The following SPEF2 variants were observed in gnomAD, a reference collection of about 807,000 sequenced individuals.
SPEF2 encodes sperm flagella and cilia-associated protein 2.
A neutral mutation model predicts 224.6 loss-of-function variants in SPEF2; 187 were observed. The observed-to-expected ratio is 0.83, with a 90% CI of 0.74 to 0.94. The LOEUF is 0.94. SPEF2 is among the 40% of genes least tolerant of loss of function. The pLI is 0.00. For synonymous variants in SPEF2, 715 were observed against 707.3 expected (o/e 1.01, Z -0.17); for missense variants, 2,170 against 2,135.6 (o/e 1.02, Z -0.32).
Position 35,659,050 on chromosome 5 carries a change from G to A in SPEF2, c.1010G>A (p.Arg337Gln), listed in dbSNP as rs139795958. ...TATCGGGAGGAACAGCTGATTAACCGGCTGATGCGGCAGTCCCAGCAGGAG... is the reference window on the plus strand; with the variant it reads ...TATCGGGAGGAACAGCTGATTAACCAGCTGATGCGGCAGTCCCAGCAGGAG... ...EAYREEQLINRLMRQSQQERR... is the reference protein window; with the variant it reads ...EAYREEQLINQLMRQSQQERR... Residue 337 changes from arginine (R) to glutamine (Q), a missense_variant, in exon 8 of 37, where the codon CGG becomes CAG. Physicochemically the swap from Arg to Gln is conservative, Grantham distance 43 (BLOSUM62 1). Coordinates refer to ENST00000356031, the MANE Select transcript of SPEF2 (RefSeq NM_024867.4). 46 of 1,581,754 alleles carry A rather than the reference G, an allele frequency of 2.9e-5. No individual in the cohort carries two copies. In the African/African-American group the frequency reaches 5.3e-4, roughly 18 times the overall value.
At chr5:35,640,255 TAG>T (rs1199375555) in intron 2 of SPEF2, among the ~76,000 whole-genome samples, 1 of 152,150 alleles carries the variant, frequency 6.6e-6, no homozygotes, top group African/African-American at 2.4e-5. Flanking sequence ...CTAAAATCTG[TAG>T]CCCAAGGTTA....
chr5:35,689,228 CTA>C (rs1754083523), intron 10 of SPEF2, among the ~76,000 whole-genome samples: 1 of 152,052 alleles, frequency 6.6e-6, no homozygotes. Context: ...TTCATTTGCA[CTA>C]TCTTAGAATA....
intron 36 of SPEF2, among the ~76,000 whole-genome samples, chr5:35,813,007 G>A (rs948593074): frequency 7.2e-5 from 11 of 152,170 alleles, no homozygotes; most frequent in African/African-American, 2.7e-4. Context: ...ACTGAAAATT[G>A]TGGTCCCTGA....
chr5:35,727,176 C>A (rs4128902), intron 20 of SPEF2, among the ~76,000 whole-genome samples: 1 of 151,952 alleles, frequency 6.6e-6, no homozygotes, highest in Non-Finnish European at 1.5e-5. Flanking sequence ...GGGGCTTCAA[C>A]AGCCCCTCTT....
At chr5:35,806,266 G>C (rs1208224645) in intron 34 of SPEF2, among the ~76,000 whole-genome samples, 1 of 152,142 alleles carries the variant, frequency 6.6e-6, no homozygotes, top group Admixed American at 6.6e-5. Context: ...GTTTAGTTGG[G>C]ATATCCTCCA....
chr5:35,674,688 T>C (rs911104185), intron 10 of SPEF2, among the ~76,000 whole-genome samples: 24 of 152,088 alleles, frequency 1.6e-4, no homozygotes, highest in African/African-American at 5.5e-4. Context: ...ACTAATCTCA[T>C]CATGGGAGCC....
rs551899983 is a variant in SPEF2, at chr5:35,618,154, C to T, written c.58+99C>T. On this transcript the variant is annotated intron_variant, in intron 1 of 36. Coordinates refer to ENST00000356031, the MANE Select transcript of SPEF2 (RefSeq NM_024867.4). ...CTCAGGGAAGGTGGCGGGCAGGGCG[C>T]GAGCTGCACAGGTGGGGCACCTGCG... 3.0e-6 allele frequency: 4 copies of T among 1,337,500 alleles called. No homozygotes were observed. In the South Asian group the frequency reaches 5.0e-5, roughly 17 times the overall value. The allele number at this position is 1,337,500 out of a possible 1,614,324, so 82.9% of individuals were successfully genotyped here.
intron 20 of SPEF2, among the ~76,000 whole-genome samples, chr5:35,720,503 T>C (rs1351860094): frequency 2.0e-5 from 3 of 152,214 alleles, no homozygotes; most frequent in Non-Finnish European, 4.4e-5. Context: ...CTATAGCTCA[T>C]TATAAACTAT....
intron 16 of SPEF2, among the ~76,000 whole-genome samples, chr5:35,703,598 T>C (rs10472262): frequency 0.54 from 80,973 of 151,100 alleles, 22,122 homozygotes; most frequent in African/African-American, 0.56. Context: ...GCCTGGGGCT[T>C]GGGGGTTGGG....
chr5:35,668,492 G>C (rs1172935734), intron 9 of SPEF2, among the ~76,000 whole-genome samples: 2 of 152,102 alleles, frequency 1.3e-5, no homozygotes, highest in Non-Finnish European at 2.9e-5. Flanking sequence ...ATTGCCAGGG[G>C]CTAAGAATGG....
chr5:35,655,301 G>A (rs374813458), intron 7 of SPEF2, among the ~76,000 whole-genome samples: 24 of 152,282 alleles, frequency 1.6e-4, no homozygotes, highest in African/African-American at 2.9e-4. Context: ...TGATCCTGAC[G>A]CCACTGCAGC....
chr5:35,635,181 A>C (rs770963465), intron 2 of SPEF2, among the ~76,000 whole-genome samples: 5 of 151,518 alleles, frequency 3.3e-5, no homozygotes, highest in African/African-American at 4.9e-5. Flanking sequence ...CTCAGATCTG[A>C]GATTCTTTCC....
At chr5:35,660,039 T>C (rs1464375982) in intron 8 of SPEF2, among the ~76,000 whole-genome samples, 2 of 152,184 alleles carry the variant, frequency 1.3e-5, no homozygotes, top group Non-Finnish European at 2.9e-5. Flanking sequence ...CTAGCTGTGC[T>C]CTTTGCTACT....
At chr5:35,804,661 T>C (rs543474472) in intron 34 of SPEF2, among the ~76,000 whole-genome samples, 1 of 152,270 alleles carries the variant, frequency 6.6e-6, no homozygotes, top group African/African-American at 2.4e-5. Flanking sequence ...CACTAATAAG[T>C]TAAGGATTAT....
At chr5:35,661,818 G>A (rs1475875752) in intron 8 of SPEF2, among the ~76,000 whole-genome samples, 2 of 152,044 alleles carry the variant, frequency 1.3e-5, no homozygotes, top group South Asian at 2.1e-4. Context: ...TCTTTATCCA[G>A]TCTATCATTG....
In SPEF2 at chr5:35,753,561, T is replaced by C. The variant is rs1580593783; in HGVS notation, c.3331-63T>C. 6 of 1,598,888 alleles carry C rather than the reference T, an allele frequency of 3.8e-6. 1 individual carries two copies. Among genetic ancestry groups the C allele is most frequent in the East Asian group, 2.2e-5 (1 of 44,648 alleles). ...GAGAGGCAAAGGATTTTAGTTTTATTGCACCTAGGTGATTTGAGCAGCAAT... is the reference window on the plus strand; with the variant it reads ...GAGAGGCAAAGGATTTTAGTTTTATCGCACCTAGGTGATTTGAGCAGCAAT... On this transcript the variant is annotated intron_variant, in intron 23 of 36. Coordinates refer to ENST00000356031, the MANE Select transcript of SPEF2 (RefSeq NM_024867.4).
chr5:35,710,777 T>A (rs186172832), intron 19 of SPEF2: 3 of 985,272 alleles, frequency 3.0e-6, no homozygotes, highest in East Asian at 2.3e-4. Context: ...GTTTCTGAAG[T>A]TTGTTTGCTA....
chr5:35,727,913 C>T (rs1744951372), intron 21 of SPEF2, 90 bp downstream of exon 21: 3 of 1,375,416 alleles, frequency 2.2e-6, no homozygotes, highest in Non-Finnish European at 3.0e-6. Flanking sequence ...TCCTGAAGGC[C>T]TTTTACAGCA....
At chr5:35,670,412 A>T in intron 10 of SPEF2, 185 bp downstream of exon 10, 1 of 1,297,136 alleles carries the variant, frequency 7.7e-7, no homozygotes, top group Non-Finnish European at 9.7e-7. Context: ...ATAAGCTATT[A>T]TCTATTGTTC....
Sources: allele counts gnomAD v4.1 joint callset (sites outside exome capture counted in the v4.1 genomes callset), GRCh38; gene constraint gnomAD v4.1.1; transcripts MANE v1.5; gene names NCBI Gene and HGNC (gene_info 2026-07-23, HGNC 2026-07-21).